Variants in ADCY3 observed in about 807,000 individuals in gnomAD.
ADCY3 encodes adenylate cyclase 3, also known as adenylate cyclase type 3.
In ADCY3, 70 loss-of-function variants were observed where a neutral mutation model predicts 119.4. The observed-to-expected ratio is 0.59, with a 90% CI of 0.48 to 0.72. The LOEUF (loss-of-function observed/expected upper bound fraction) is 0.72. Ranked by LOEUF, ADCY3 falls within the 30% of genes least tolerant of loss-of-function variation. The probability of loss-of-function intolerance (pLI) is 0.00; values close to 1 mark genes in which losing one functional copy is unlikely to be tolerated. For missense variants in ADCY3, 1,238 were observed against 1,541.6 expected (o/e 0.80, Z 3.30); for synonymous variants, 672 against 621.4 (o/e 1.08, Z -1.21).
At position 24,819,926 on chromosome 2, in the gene ADCY3, G is replaced by T; in HGVS notation, c.*6C>A. 6.2e-7 allele frequency: 1 copy of T among 1,613,084 alleles called. No homozygotes were observed. Among genetic ancestry groups the T allele is most frequent in the Non-Finnish European group, 8.5e-7 (1 of 1,179,652 alleles). ...CCGGTTTGGACTGTTGCAGGCTCGA[G>T]GCCATTCAGGAGTTGTCCACCACCT... On this transcript the variant is annotated 3_prime_UTR_variant, in exon 22 of 22. Transcript: ENST00000679454.
At chr2:24,840,637 G>A (rs149973699) in intron 6 of ADCY3, 7 of 426,200 alleles carry the variant, frequency 1.6e-5, no homozygotes, top group African/African-American at 4.1e-5. Context: ...TTCCCTTTCC[G>A]TGTTGGTGCC....
At chr2:24,853,879 A>G (rs1287865854) in intron 3 of ADCY3, among the ~76,000 whole-genome samples, 1 of 152,224 alleles carries the variant, frequency 6.6e-6, no homozygotes, top group Non-Finnish European at 1.5e-5. Flanking sequence ...ATACTGATTC[A>G]TATATACTGA....
intron 3 of ADCY3, among the ~76,000 whole-genome samples, chr2:24,871,608 C>A (rs1260835827): frequency 6.6e-6 from 1 of 152,224 alleles, no homozygotes; most frequent in East Asian, 1.9e-4. Context: ...AAGGCCCTGT[C>A]CACCCGAGTG....
At chr2:24,823,789 T>A (rs1039559270) in intron 17 of ADCY3, among the ~76,000 whole-genome samples, 1 of 151,914 alleles carries the variant, frequency 6.6e-6, no homozygotes, top group Admixed American at 6.6e-5. Flanking sequence ...CCTCCCGGGT[T>A]CAAGTGAGTC....
At chr2:24,862,437 A>T (rs964863223) in intron 3 of ADCY3, among the ~76,000 whole-genome samples, 1 of 152,094 alleles carries the variant, frequency 6.6e-6, no homozygotes, top group East Asian at 1.9e-4. Flanking sequence ...TCCCAGCTAC[A>T]CGGGAGGCTG....
At chr2:24,893,463 C>T (rs930641310) in intron 2 of ADCY3, among the ~76,000 whole-genome samples, 1 of 151,708 alleles carries the variant, frequency 6.6e-6, no homozygotes, top group African/African-American at 2.4e-5. Flanking sequence ...GCAATCCTTG[C>T]ACCTGGGCAT....
rs755021852 is a variant in ADCY3 at position 24,838,847 on chromosome 2, T to A, written c.1356-225A>T. On this transcript the variant is annotated intron_variant, in intron 7 of 21. Transcript: ENST00000679454. ...GCTGTGTGGGCCGTATGGCACTTAC[T>A]CCCATCTCAGCCTCAGTGTTGGAGC... 36 of 1,605,980 alleles carry A rather than the reference T, an allele frequency of 2.2e-5. No individual in the cohort carries two copies. The South Asian group carries it at 3.9e-4, about 17-fold the overall frequency.
chr2:24,821,291 C>G, intron 20 of ADCY3: 1 of 566,040 alleles, frequency 1.8e-6, no homozygotes, highest in Admixed American at 3.5e-5. Context: ...TCTATTGTAA[C>G]AGTAGGCACA....
At chr2:24,880,084 C>A (rs183430674) in intron 2 of ADCY3, among the ~76,000 whole-genome samples, 1 of 152,326 alleles carries the variant, frequency 6.6e-6, no homozygotes, top group East Asian at 1.9e-4. Flanking sequence ...GGGTATCTGC[C>A]AAGTTTCCAC....
At position 24,918,688 on chromosome 2, in the gene ADCY3, G is replaced by A; in HGVS notation, c.300C>T (p.Phe100=). 1 of 1,614,114 alleles carries A rather than the reference G, an allele frequency of 6.2e-7. No homozygotes were observed. ...CYVVVMCAVV[F]SSDKLASLAV... is the part of the protein sequence containing the mutation. ...CGAGGGAAGCCAGCTTGTCGCTGGA[G>A]AAGACCACAGCACACATGACCACCA... Residue 100 remains phenylalanine (F), a synonymous_variant, in exon 2 of 22, where the codon TTC becomes TTT. Coordinates refer to ENST00000679454, the MANE Select transcript of ADCY3 (RefSeq NM_004036.5). The surrounding 1 kb of genome is among the most constrained non-coding windows in gnomAD (Gnocchi z 5.4).
chr2:24,916,982 A>T (rs1276966180), intron 2 of ADCY3, among the ~76,000 whole-genome samples: 3 of 152,228 alleles, frequency 2.0e-5, no homozygotes. Context: ...GTTATCACTC[A>T]TCTCTGTTTC....
chr2:24,823,254 A>G lies in ADCY3; in HGVS notation c.2838T>C (p.Ile946=), dbSNP rs754839463. 1 of 1,613,684 alleles carries G rather than the reference A, an allele frequency of 6.2e-7. No homozygotes were observed. The highest frequency in any genetic ancestry group is 8.5e-7 in the Non-Finnish European group (1 of 1,179,970). ...YTEESINNGG[I]ECLRFLNEII... ...TTTCATTGAGGAAACGCAGACACTC[A>G]ATACCACCATTGTTGATGCTCTCCT... The change falls in exon 18 of 22, where the codon ATT becomes ATC. Residue 946 remains isoleucine, a synonymous_variant. Coordinates refer to ENST00000679454, the MANE Select transcript of ADCY3 (RefSeq NM_004036.5).
chr2:24,859,257 A>C (rs1281659921), intron 3 of ADCY3, among the ~76,000 whole-genome samples: 1 of 152,242 alleles, frequency 6.6e-6, no homozygotes, highest in Non-Finnish European at 1.5e-5. Context: ...GCCATGATGC[A>C]GCCACGGTGC....
At chr2:24,838,802 G>C (rs1268683833) in intron 7 of ADCY3, 180 bp from the exon 8 acceptor site, 1 of 1,605,006 alleles carries the variant, frequency 6.2e-7, no homozygotes, top group Non-Finnish European at 8.5e-7. Context: ...CCGCTAACTA[G>C]CTGTGTGGGC....
In ADCY3 at chr2:24,842,248, G is replaced by A; in HGVS notation, c.956+6C>T. The A allele has an allele frequency of 2.5e-6, 4 of 1,613,978 alleles. No homozygotes were observed. Among genetic ancestry groups the A allele is most frequent in the Non-Finnish European group, 3.4e-6 (4 of 1,179,980 alleles). On this transcript the variant is annotated splice_donor_region_variant and intron_variant, in intron 4 of 21. Coordinates refer to ENST00000679454, the MANE Select transcript of ADCY3 (RefSeq NM_004036.5). The surrounding 1 kb of genome is among the most constrained non-coding windows in gnomAD (Gnocchi z 4.9). ...CCATCAGAGCCCGCGCCCCGGGCCG[G>A]CGTACCTGACGTTCTCGTGACGGTA...
chr2:24,891,981 C>G (rs188102039), intron 2 of ADCY3, among the ~76,000 whole-genome samples: 53 of 152,312 alleles, frequency 3.5e-4, no homozygotes, highest in African/African-American at 1.3e-3. Flanking sequence ...ACAGCCCCCA[C>G]GAATAAGGGG....
chr2:24,897,850 G>A (rs1265029813), intron 2 of ADCY3, among the ~76,000 whole-genome samples: 1 of 152,086 alleles, frequency 6.6e-6, no homozygotes, highest in Non-Finnish European at 1.5e-5. Context: ...TCAGGTCCTT[G>A]TATCCCGCCA....
At chr2:24,823,499 T>TTG (rs1668108564) in intron 17 of ADCY3, 144 bp from the exon 18 acceptor site, 1 of 947,690 alleles carries the variant, frequency 1.1e-6, no homozygotes, top group Admixed American at 3.3e-5. Flanking sequence ...AGCATTTTTT[T>TTG]TTTTTTTTTT....
At chr2:24,900,528 C>T (rs757030252) in intron 2 of ADCY3, among the ~76,000 whole-genome samples, 8 of 152,022 alleles carry the variant, frequency 5.3e-5, no homozygotes, top group Middle Eastern at 6.8e-3. Flanking sequence ...GCAGGATGGA[C>T]AAGGTTCTGT....
Sources: allele counts gnomAD v4.1 joint callset (sites outside exome capture counted in the v4.1 genomes callset), GRCh38; gene constraint gnomAD v4.1.1; non-coding constraint Gnocchi (gnomAD v3.1); transcripts MANE v1.5; gene names NCBI Gene and HGNC (gene_info 2026-07-23, HGNC 2026-07-21).